NRXN3: variants seen among roughly 807,000 people sequenced by gnomAD.
NRXN3 encodes neurexin III.
Under a neutral mutation model 137.6 loss-of-function variants are expected in NRXN3, and 32 were observed. The ratio of observed to expected loss-of-function variants is 0.23; its 90% CI spans 0.18 to 0.31. The LOEUF (loss-of-function observed/expected upper bound fraction) is 0.31, where lower values mean the gene tolerates loss of function less well. NRXN3 is among the 10% of genes least tolerant of loss of function. The pLI is 1.00. For synonymous variants in NRXN3, 798 were observed against 784.5 expected (o/e 1.02, Z -0.29); for missense variants, 1,574 against 2,062.5 (o/e 0.76, Z 4.59).
chr14:78,819,224 G>A (rs539582496), intron 10 of NRXN3, among the ~76,000 whole-genome samples: 1 of 152,154 alleles, frequency 6.6e-6, no homozygotes, highest in Admixed American at 6.5e-5. Flanking sequence ...TCCATTTTAT[G>A]TGTCTAATTG....
chr14:79,479,406 C>T (rs2096587313), intron 16 of NRXN3, among the ~76,000 whole-genome samples: 2 of 151,738 alleles, frequency 1.3e-5, no homozygotes, highest in Non-Finnish European at 1.5e-5. Flanking sequence ...GATTAAGTAA[C>T]CATTTGTTAA....
At chr14:79,667,160 A>G (rs939199989) in intron 17 of NRXN3, among the ~76,000 whole-genome samples, 2 of 152,100 alleles carry the variant, frequency 1.3e-5, no homozygotes, top group African/African-American at 2.4e-5. Context: ...GCCATCAAAC[A>G]AAGCCATCAA....
intron 1 of NRXN3, among the ~76,000 whole-genome samples, chr14:78,194,769 T>A (rs1189497936): frequency 6.6e-6 from 1 of 152,048 alleles, no homozygotes; most frequent in Admixed American, 6.5e-5. Context: ...CATGCTAGAG[T>A]AGATATCTCA....
chr14:79,049,579 C>T (rs897876576), intron 15 of NRXN3, among the ~76,000 whole-genome samples: 2 of 152,190 alleles, frequency 1.3e-5, no homozygotes, highest in African/African-American at 2.4e-5. Flanking sequence ...ATCATGAATG[C>T]TCTTAATGGC....
intron 18 of NRXN3, among the ~76,000 whole-genome samples, chr14:79,694,896 C>A (rs1405121462): frequency 6.6e-6 from 1 of 151,864 alleles, no homozygotes; most frequent in Non-Finnish European, 1.5e-5. Context: ...AGAAACAGAC[C>A]ATGAAACAAA....
At chr14:79,127,438 T>A (rs1208125293) in intron 15 of NRXN3, among the ~76,000 whole-genome samples, 1 of 152,216 alleles carries the variant, frequency 6.6e-6, no homozygotes, top group Non-Finnish European at 1.5e-5. Context: ...AGGGAATCCT[T>A]TCCCCATTGC....
chr14:78,628,338 A>G (rs1323045076), intron 4 of NRXN3, among the ~76,000 whole-genome samples: 1 of 152,204 alleles, frequency 6.6e-6, no homozygotes, highest in Non-Finnish European at 1.5e-5. Context: ...GATTTCAGGC[A>G]TAAGCCAATA....
chr14:78,420,725 T>C (rs2093407460), intron 4 of NRXN3, among the ~76,000 whole-genome samples: 1 of 152,196 alleles, frequency 6.6e-6, no homozygotes, highest in Non-Finnish European at 1.5e-5. Context: ...ATAATGACAA[T>C]TGGAAAATTA....
intron 4 of NRXN3, chr14:78,403,586 C>G (rs897709474): frequency 6.1e-6 from 2 of 328,824 alleles, no homozygotes; most frequent in South Asian, 1.2e-4. Flanking sequence ...AACACCCTGT[C>G]CCGGGCCCCA....
At chr14:79,558,271 G>C (rs2097451600) in intron 16 of NRXN3, among the ~76,000 whole-genome samples, 1 of 152,084 alleles carries the variant, frequency 6.6e-6, no homozygotes, top group Non-Finnish European at 1.5e-5. Context: ...GTTCTTCATG[G>C]CATCTAGAAT....
At chr14:78,810,696 G>C (rs559243646) in intron 10 of NRXN3, among the ~76,000 whole-genome samples, 1 of 152,254 alleles carries the variant, frequency 6.6e-6, no homozygotes, top group African/African-American at 2.4e-5. Context: ...AAAAGCTTTA[G>C]GGCAACCAGC....
At chr14:79,572,265 A>T (rs1369906572) in intron 16 of NRXN3, among the ~76,000 whole-genome samples, 4 of 152,228 alleles carry the variant, frequency 2.6e-5, no homozygotes, top group Non-Finnish European at 4.4e-5. Flanking sequence ...TTTAACATTG[A>T]CAATGAACAG....
intron 15 of NRXN3, among the ~76,000 whole-genome samples, chr14:79,046,145 C>G (rs907198666): frequency 6.6e-6 from 1 of 152,172 alleles, no homozygotes; most frequent in South Asian, 2.1e-4. Context: ...TAACATGACA[C>G]CAGTATAACA....
intron 16 of NRXN3, among the ~76,000 whole-genome samples, chr14:79,537,912 T>C (rs1399730370): frequency 6.6e-6 from 1 of 152,198 alleles, no homozygotes. Context: ...CCACCAACAG[T>C]GTCAAAGTGT....
intron 1 of NRXN3, among the ~76,000 whole-genome samples, chr14:78,195,148 A>G (rs2153382698): frequency 6.6e-6 from 1 of 151,998 alleles, no homozygotes; most frequent in East Asian, 1.9e-4. Flanking sequence ...ATGTTTAAGA[A>G]CTGTAGTTCT....
intron 15 of NRXN3, among the ~76,000 whole-genome samples, chr14:79,007,512 A>C (rs959412244): frequency 1.3e-5 from 2 of 151,958 alleles, no homozygotes; most frequent in Non-Finnish European, 2.9e-5. Context: ...AACAAACAAA[A>C]AAAAACAAAA....
At chr14:78,372,485 T>C (rs2087038456) in intron 4 of NRXN3, among the ~76,000 whole-genome samples, 2 of 152,000 alleles carry the variant, frequency 1.3e-5, no homozygotes, top group Admixed American at 6.6e-5. Context: ...CCACCATGCC[T>C]GGCTAATTTT....
chr14:78,703,168 C>A (rs944797284), intron 6 of NRXN3, among the ~76,000 whole-genome samples: 2 of 152,214 alleles, frequency 1.3e-5, no homozygotes, highest in African/African-American at 4.8e-5. Context: ...AGGTGTAATT[C>A]ATATTTCTTG....
intron 15 of NRXN3, among the ~76,000 whole-genome samples, chr14:79,431,533 A>G (rs1222192246): frequency 1.3e-5 from 2 of 152,194 alleles, no homozygotes; most frequent in Admixed American, 6.5e-5. Flanking sequence ...TTAAGTAATA[A>G]CAGATGATGG....
Sources: allele counts gnomAD v4.1 joint callset (sites outside exome capture counted in the v4.1 genomes callset), GRCh38; gene constraint gnomAD v4.1.1; transcripts MANE v1.5; gene names NCBI Gene and HGNC (gene_info 2026-07-23, HGNC 2026-07-21).